The following CSPG5 variants were observed in gnomAD, a reference collection of about 807,000 sequenced individuals.
The protein encoded by CSPG5 is chondroitin sulfate proteoglycan 5, also known as acidic leucine-rich EGF-like domain-containing brain protein.
In CSPG5, 25 loss-of-function variants were observed where a neutral mutation model predicts 39.8. The observed-to-expected ratio is 0.63, with a 90% confidence interval of 0.46 to 0.88. CSPG5 has a LOEUF of 0.88. CSPG5 is among the 40% of genes least tolerant of loss of function. The probability of loss-of-function intolerance (pLI) is 0.00; values close to 1 mark genes in which losing one functional copy is unlikely to be tolerated. For synonymous variants in CSPG5, 295 were observed against 303.9 expected (o/e 0.97, Z 0.31); for missense variants, 627 against 702.2 (o/e 0.89, Z 1.21).
chr3:47,562,557 A>ACCCCCC lies in CSPG5; in HGVS notation c.*37_*42dup. ...AAGAGGAGATAATGTTTCTTCCCCTACCCCCCACCCACTACCCCCGCTTCC... is the reference window on the plus strand; with the variant it reads ...AAGAGGAGATAATGTTTCTTCCCCTACCCCCCCCCCCCACCCACTACCCCCGCTTCC... On this transcript the variant is annotated 3_prime_UTR_variant, in exon 5 of 5. Coordinates refer to ENST00000264723, the MANE Select transcript of CSPG5 (RefSeq NM_006574.4). 1 of 1,073,228 alleles carries ACCCCCC rather than the reference A, an allele frequency of 9.3e-7. No individual in the cohort carries two copies. Among genetic ancestry groups the ACCCCCC allele is most frequent in the Non-Finnish European group, 1.4e-6 (1 of 707,514 alleles). The allele number at this position is 1,073,228 out of a possible 1,614,324, so 66.5% of individuals were successfully genotyped here. A position where few individuals can be genotyped will look rare whatever the true frequency, so the allele number is the denominator to read the frequency against.
chr3:47,575,789 G>T (rs565291727), intron 2 of CSPG5, among the ~76,000 whole-genome samples: 9 of 152,242 alleles, frequency 5.9e-5, no homozygotes, highest in African/African-American at 1.7e-4. Context: ...AAGGCATGGA[G>T]CGGTGTTCAA....
intron 2 of CSPG5, among the ~76,000 whole-genome samples, chr3:47,574,803 G>A (rs1346750682): frequency 6.6e-6 from 1 of 152,154 alleles, no homozygotes; most frequent in Middle Eastern, 3.2e-3. Context: ...GCTGGGCGTG[G>A]TGGCGGGCGC....
At chr3:47,576,791 C>A (rs1334382157) in intron 2 of CSPG5, 42 bp downstream of exon 2, 1 of 1,520,260 alleles carries the variant, frequency 6.6e-7, no homozygotes, top group Middle Eastern at 1.8e-4. Flanking sequence ...GCCTCACATA[C>A]ACTCTTCAGT....
Position 47,577,576 on chromosome 3 carries a change from G to T in CSPG5, c.450C>A (p.Ser150Arg), listed in dbSNP as rs754597673. The T allele has an allele frequency of 1.2e-6, 2 of 1,610,788 alleles. No homozygotes were observed. The highest frequency in any genetic ancestry group is 1.7e-6 in the Non-Finnish European group (2 of 1,179,302). The change falls in exon 2 of 5, where the codon AGC (serine) becomes AGA (arginine). Residue 150 changes from serine to arginine, a missense_variant. Coordinates refer to ENST00000264723, the MANE Select transcript of CSPG5 (RefSeq NM_006574.4). This position sits in a 1 kb window ranked among gnomAD's most constrained non-coding sequence, Gnocchi z 4.7. ...PPAIPEATEA[S>R]GPPSPTPGDK... ...CGCCGGGGGTGGGGGAGGGTGGCCC[G>T]CTGGCCTCTGTAGCCTCAGGAATGG... is the stretch of plus-strand genomic sequence containing the variant.
intron 4 of CSPG5, among the ~76,000 whole-genome samples, chr3:47,563,966 T>C (rs1295457426): frequency 1.3e-5 from 2 of 152,178 alleles, no homozygotes; most frequent in African/African-American, 4.8e-5. Context: ...CTCATTTCCT[T>C]TAGGACCACC....
At chr3:47,566,885 C>A (rs376566374) in intron 4 of CSPG5, among the ~76,000 whole-genome samples, 2 of 152,084 alleles carry the variant, frequency 1.3e-5, no homozygotes, top group Non-Finnish European at 2.9e-5. Context: ...CTGCCTGTGG[C>A]CAACCACACA....
chr3:47,575,905 C>G (rs2031701838), intron 2 of CSPG5, among the ~76,000 whole-genome samples: 1 of 143,798 alleles, frequency 7.0e-6, no homozygotes, highest in Admixed American at 6.9e-5. Flanking sequence ...TTCCAAAACT[C>G]TTAAAGAATT....
chr3:47,569,768 GAC>G (rs2031461846), intron 3 of CSPG5, among the ~76,000 whole-genome samples: 13 of 136,710 alleles, frequency 9.5e-5, no homozygotes, highest in Non-Finnish European at 1.7e-4. Context: ...TTTTTTTTGA[GAC>G]AGGGTCTCAC....
intron 4 of CSPG5, among the ~76,000 whole-genome samples, chr3:47,564,332 C>T (rs1351661401): frequency 6.6e-6 from 1 of 152,124 alleles, no homozygotes; most frequent in Admixed American, 6.5e-5. Flanking sequence ...CCGGGCTTTC[C>T]ATGGTTCTTG....
chr3:47,569,068 T>C (rs1246226935), intron 4 of CSPG5, 84 bp downstream of exon 4: 2 of 1,500,256 alleles, frequency 1.3e-6, no homozygotes, highest in Non-Finnish European at 1.8e-6. Context: ...GAAAACAAGT[T>C]ACCTGACAGA....
At position 47,577,208 on chromosome 3, in the gene CSPG5, T is replaced by G. The variant is rs1182416786; in HGVS notation, c.818A>C (p.Asp273Ala). Residue 273 changes from aspartate (D) to alanine (A), a missense_variant, in exon 2 of 5, where the codon GAT (aspartate) becomes GCT (alanine). Asp to Ala is a moderately radical substitution (Grantham distance 126). Coordinates refer to ENST00000264723, the MANE Select transcript of CSPG5 (RefSeq NM_006574.4). This position sits in a 1 kb window ranked among gnomAD's most constrained non-coding sequence, Gnocchi z 4.7. ...SDFYPTTSFY[D>A]DLDEEEEEEE... ...TTCCTCCTCCTCTTCATCCAAGTCA[T>G]CATAAAAGGATGTGGTGGGGTAGAA... 1 of 1,607,728 alleles carries G rather than the reference T, an allele frequency of 6.2e-7. No individual in the cohort carries two copies. The highest frequency in any genetic ancestry group is 1.1e-5 in the South Asian group (1 of 90,216).
intron 2 of CSPG5, among the ~76,000 whole-genome samples, chr3:47,574,666 GC>G (rs2031640932): frequency 6.6e-6 from 1 of 152,200 alleles, no homozygotes; most frequent in African/African-American, 2.4e-5. Flanking sequence ...TCGGCTGGGC[GC>G]GGTGGCTCAC....
chr3:47,575,929 CTTTTTTT>C (rs370578310), intron 2 of CSPG5, among the ~76,000 whole-genome samples: 2,648 of 99,610 alleles, frequency 0.027, 75 homozygotes, highest in African/African-American at 0.091. Context: ...TTCATTTTGC[CTTTTTTT>C]TTTTTTTTTT....
Position 47,577,101 on chromosome 3 carries a change from G to C in CSPG5, c.925C>G (p.Leu309Val), listed in dbSNP as rs922413792. The stretch of plus-strand genomic sequence containing the variant: ...GTGGGCTGGCCTGTCCCGGGCCCCA[G>C]ACCAGGCTTCCCAGTGGGCACTAGA... ...ELLVPTGKPG[L>V]GPGTGQPTSR... The change falls in exon 2 of 5, where the codon CTG becomes GTG. Residue 309 changes from leucine (L) to valine (V), a missense_variant. Physicochemically the swap from Leu to Val is conservative, Grantham distance 32. Transcript: ENST00000264723. This position sits in a 1 kb window ranked among gnomAD's most constrained non-coding sequence, Gnocchi z 4.7. The C allele has an allele frequency of 6.2e-7, 1 of 1,613,778 alleles. No individual in the cohort carries two copies. Among genetic ancestry groups the C allele is most frequent in the African/African-American group, 1.3e-5 (1 of 74,940 alleles).
rs1236021913 is a variant in CSPG5, at chr3:47,562,534, G to A, written c.*66C>T. ...GTTACAAGAAATAGACTCTGTACAA[G>A]AGGAGATAATGTTTCTTCCCCTACC... On this transcript the variant is annotated 3_prime_UTR_variant, in exon 5 of 5. Coordinates refer to ENST00000264723, the MANE Select transcript of CSPG5 (RefSeq NM_006574.4). 4.9e-6 allele frequency: 7 copies of A among 1,426,994 alleles called. No homozygotes were observed. Among genetic ancestry groups the A allele is most frequent in the Non-Finnish European group, 6.8e-6 (7 of 1,025,732 alleles). 88.4% of individuals were successfully genotyped at this position (1,426,994 alleles called of 1,614,324 possible).
In CSPG5 at chr3:47,572,499, C is replaced by G. The variant is rs1016300088; in HGVS notation, c.1382+187G>C. 6.6e-6 allele frequency among the ~76,000 whole-genome samples: 1 copy of G among 152,182 alleles called. No individual in the cohort carries two copies. The highest frequency in any genetic ancestry group is 6.5e-5 in the Admixed American group (1 of 15,272). On this transcript the variant is annotated intron_variant, in intron 3 of 4. Transcript: ENST00000264723. This position sits in a 1 kb window ranked among gnomAD's most constrained non-coding sequence, Gnocchi z 4.5. ...CAGGGGCTTCACCTCTGCTGCAGCT[C>G]CAGCACATTTTGTGTAGGAACAGAT...
intron 3 of CSPG5, among the ~76,000 whole-genome samples, chr3:47,569,886 T>C (rs905146828): frequency 1.3e-4 from 20 of 151,940 alleles, no homozygotes; most frequent in African/African-American, 4.6e-4. Flanking sequence ...TAGCTGGGAC[T>C]ACAGGTGCAT....
intron 3 of CSPG5, among the ~76,000 whole-genome samples, chr3:47,571,701 G>A (rs940797922): frequency 2.0e-5 from 3 of 152,172 alleles, no homozygotes; most frequent in African/African-American, 2.4e-5. Flanking sequence ...CAGGACCCAG[G>A]GAAAGTCCTT....
chr3:47,572,855 T>A lies in CSPG5; in HGVS notation c.1213A>T (p.Ile405Phe). 1 of 1,612,114 alleles carries A rather than the reference T, an allele frequency of 6.2e-7. No homozygotes were observed. ...AFCRCNTQDY[I>F]WHKGMRCESI... is the part of the protein sequence containing the mutation. ...TCGCAGCGCATCCCCTTGTGCCAGA[T>A]GTAGTCCTGCGTGTTGCACCTGCAG... The change falls in exon 3 of 5, where the codon ATC (isoleucine) becomes TTC (phenylalanine). Residue 405 changes from isoleucine to phenylalanine, a missense_variant. Physicochemically the swap from Ile to Phe is conservative, Grantham distance 21 (BLOSUM62 0). Coordinates refer to ENST00000264723, the MANE Select transcript of CSPG5 (RefSeq NM_006574.4). The surrounding 1 kb of genome is among the most constrained non-coding windows in gnomAD (Gnocchi z 4.5).
Sources: gnomAD v4.1 joint callset for allele counts (sites outside exome capture counted in the v4.1 genomes callset) on GRCh38, gnomAD v4.1.1 for gene constraint, Gnocchi (gnomAD v3.1) non-coding constraint, MANE v1.5 for transcripts, NCBI Gene and HGNC (gene_info 2026-07-23, HGNC 2026-07-21) for gene names.